MTFR2: variants seen among roughly 807,000 people sequenced by gnomAD.
The protein encoded by MTFR2 is DUF729 domain-containing protein 1.
A neutral mutation model predicts 41.2 loss-of-function variants in MTFR2; 44 were observed. The observed-to-expected ratio is 1.07, with a 90% CI of 0.84 to 1.37. The LOEUF is 1.37. Among genes scored for constraint, MTFR2 ranks in the 40% most tolerant of loss-of-function variants. MTFR2 has a pLI of 0.00. For missense variants in MTFR2, 452 were observed against 459.5 expected (o/e 0.98, Z 0.15); for synonymous variants, 141 against 154.6 (o/e 0.91, Z 0.65).
Position 136,239,746 on chromosome 6 carries a change from C to T in MTFR2, c.589G>A (p.Asp197Asn). 6.2e-7 allele frequency: 1 copy of T among 1,614,036 alleles called. No homozygotes were observed. The highest frequency in any genetic ancestry group is 1.1e-5 in the South Asian group (1 of 91,078). ...ACTGAACCTGGAAGCTGATCTGGGTCCACACTCAGATGGGCAGCCCGCGAT... is the reference window on the plus strand; with the variant it reads ...ACTGAACCTGGAAGCTGATCTGGGTTCACACTCAGATGGGCAGCCCGCGAT... ...SSSRAAHLSV[D>N]PDQLPGSVLS... Residue 197 changes from aspartate to asparagine, a missense_variant, in exon 6 of 8, where the codon GAC (aspartate) becomes AAC (asparagine). Asp to Asn is a conservative substitution (Grantham distance 23). Transcript: ENST00000420702.
chr6:136,245,379 A>AAT (rs1335291536), intron 2 of MTFR2, among the ~76,000 whole-genome samples: 1 of 152,206 alleles, frequency 6.6e-6, no homozygotes, highest in African/African-American at 2.4e-5. Context: ...CATAAAGTGA[A>AAT]ATATATCTGC....
chr6:136,246,964 T>C (rs1220077171), intron 2 of MTFR2, among the ~76,000 whole-genome samples: 2 of 152,212 alleles, frequency 1.3e-5, no homozygotes, highest in Non-Finnish European at 2.9e-5. Flanking sequence ...CTTCATTACC[T>C]GCAAGTGACC....
chr6:136,238,782 T>C (rs953444916), intron 6 of MTFR2, among the ~76,000 whole-genome samples: 4 of 151,144 alleles, frequency 2.6e-5, no homozygotes, highest in Non-Finnish European at 5.9e-5. Context: ...ATATATGAAA[T>C]GGGGCCAGGC....
At chr6:136,243,439 G>A (rs1780133758) in intron 3 of MTFR2, among the ~76,000 whole-genome samples, 2 of 152,104 alleles carry the variant, frequency 1.3e-5, no homozygotes, top group South Asian at 4.1e-4. Flanking sequence ...GGGCATGGTG[G>A]TGCATTCCTG....
At chr6:136,232,892 A>G (rs1779798455) in intron 7 of MTFR2, among the ~76,000 whole-genome samples, 1 of 152,214 alleles carries the variant, frequency 6.6e-6, no homozygotes, top group South Asian at 2.1e-4. Context: ...TTACATGCAG[A>G]GTTAACATTA....
intron 6 of MTFR2, among the ~76,000 whole-genome samples, chr6:136,234,404 C>CT (rs754596558): frequency 3.3e-5 from 5 of 151,898 alleles, no homozygotes; most frequent in African/African-American, 7.2e-5. Flanking sequence ...AAAAAAGCCT[C>CT]TTTAAGGAAG....
chr6:136,231,198 G>C lies in MTFR2; in HGVS notation c.*77C>G, dbSNP rs1221415567. 1 of 978,488 alleles carries C rather than the reference G, an allele frequency of 1.0e-6. No homozygotes were observed. Among genetic ancestry groups the C allele is most frequent in the African/African-American group, 1.6e-5 (1 of 61,196 alleles). The allele number at this position is 978,488 out of a possible 1,614,324, so 60.6% of individuals were successfully genotyped here. A position where few individuals can be genotyped will look rare whatever the true frequency, so the allele number is the denominator to read the frequency against. On this transcript the variant is annotated 3_prime_UTR_variant, in exon 8 of 8. Coordinates refer to ENST00000420702, the MANE Select transcript of MTFR2 (RefSeq NM_001099286.3). Reference sequence around the variant, plus strand: ...ATACATCTACTTTTAGCCTTTAACAGTCCAAATCAGTTTCTAAGAATAATT... The same window carrying C: ...ATACATCTACTTTTAGCCTTTAACACTCCAAATCAGTTTCTAAGAATAATT...
intron 2 of MTFR2, chr6:136,248,752 T>C (rs961264897): frequency 1.6e-5 from 6 of 380,760 alleles, no homozygotes; most frequent in Non-Finnish European, 1.9e-5. Context: ...AATAGAAGTT[T>C]TAATGTATCT....
chr6:136,244,484 T>C (rs1327500771), intron 3 of MTFR2, among the ~76,000 whole-genome samples: 4 of 152,226 alleles, frequency 2.6e-5, no homozygotes, highest in African/African-American at 9.7e-5. Context: ...CCATATACCA[T>C]CTAGGTTTGT....
chr6:136,239,544 C>T lies in MTFR2; in HGVS notation c.791G>A (p.Ser264Asn). 6.2e-7 allele frequency: 1 copy of T among 1,614,076 alleles called. No homozygotes were observed. The highest frequency in any genetic ancestry group is 8.5e-7 in the Non-Finnish European group (1 of 1,179,988). Residue 264 changes from serine to asparagine, a missense_variant, in exon 6 of 8, where the codon AGC becomes AAC. Physicochemically the swap from Ser to Asn is conservative, Grantham distance 46. Coordinates refer to ENST00000420702, the MANE Select transcript of MTFR2 (RefSeq NM_001099286.3). ...GTTTGGAATATCTTTATTTCTCTGG[C>T]TTTTTGAATGATGACTATAATTGGT... Reference protein sequence around the residue: ...NKTNYSHHSKSQRNKDIPNML... With the variant: ...NKTNYSHHSKNQRNKDIPNML...
At chr6:136,231,519 T>G (rs1380703931) in intron 7 of MTFR2, 131 bp from the exon 8 acceptor site, 7 of 616,284 alleles carry the variant, frequency 1.1e-5, no homozygotes, top group Non-Finnish European at 2.0e-5. Flanking sequence ...ATTACTATAA[T>G]ACATAGTTAT....
At position 136,232,135 on chromosome 6, in the gene MTFR2, A is replaced by G. The variant is rs992977771; in HGVS notation, c.1045-747T>C. Among the ~76,000 whole-genome samples, 3 of 152,360 alleles carry G rather than the reference A, an allele frequency of 2.0e-5. No homozygotes were observed. In the South Asian group the frequency reaches 6.2e-4, roughly 32 times the overall value. ...ATAGTTAAAAGAATATAATTTTCTA[A>G]GTCAACATGCTAAACATCAGATATA... On this transcript the variant is annotated intron_variant, in intron 7 of 7. Coordinates refer to ENST00000420702, the MANE Select transcript of MTFR2 (RefSeq NM_001099286.3).
chr6:136,240,308 C>T (rs1018712125), intron 5 of MTFR2, among the ~76,000 whole-genome samples: 10 of 151,874 alleles, frequency 6.6e-5, no homozygotes, highest in Middle Eastern at 3.4e-3. Flanking sequence ...TGGGTAAACA[C>T]GATTGCTTAA....
intron 6 of MTFR2, among the ~76,000 whole-genome samples, chr6:136,235,591 A>G (rs1779883003): frequency 6.6e-6 from 1 of 152,168 alleles, no homozygotes; most frequent in East Asian, 1.9e-4. Context: ...GGAATAGCTG[A>G]TGAGGTCAGA....
At chr6:136,240,645 C>T (rs1780030224) in intron 5 of MTFR2, among the ~76,000 whole-genome samples, 1 of 152,240 alleles carries the variant, frequency 6.6e-6, no homozygotes, top group South Asian at 2.1e-4. Context: ...ATTTATAAAA[C>T]AATCATCTGG....
At chr6:136,231,825 C>T (rs1308005129) in intron 7 of MTFR2, among the ~76,000 whole-genome samples, 2 of 152,120 alleles carry the variant, frequency 1.3e-5, no homozygotes, top group Admixed American at 6.6e-5. Flanking sequence ...GTTCCACCTA[C>T]GGGAACTTCT....
chr6:136,240,267 T>C (rs905668453), intron 5 of MTFR2, among the ~76,000 whole-genome samples: 11 of 152,100 alleles, frequency 7.2e-5, no homozygotes, highest in African/African-American at 2.7e-4. Flanking sequence ...TATTTAACTT[T>C]TCCACTTTAA....
intron 4 of MTFR2, among the ~76,000 whole-genome samples, chr6:136,242,606 T>A (rs988873089): frequency 2.0e-5 from 3 of 151,866 alleles, no homozygotes; most frequent in African/African-American, 4.8e-5. Flanking sequence ...AAGTTTTGGC[T>A]AAAAACATGA....
In MTFR2 at chr6:136,236,768, C is replaced by T. The variant is rs183448701; in HGVS notation, c.869+2698G>A. Among the ~76,000 whole-genome samples, 268 of 152,320 alleles carry T rather than the reference C, an allele frequency of 1.8e-3. 4 individuals carry two copies. The highest frequency in any genetic ancestry group is 0.016 in the Admixed American group (245 of 15,304). ...CTCATTAAAAACAGAACTGACTTAT[C>T]TGTCCCAGGACTATCATACAGAAAA... On this transcript the variant is annotated intron_variant, in intron 6 of 7. Transcript: ENST00000420702.
Sources: allele counts gnomAD v4.1 joint callset (sites outside exome capture counted in the v4.1 genomes callset), GRCh38; gene constraint gnomAD v4.1.1; transcripts MANE v1.5; gene names NCBI Gene and HGNC (gene_info 2026-07-23, HGNC 2026-07-21).